DPYD: variants seen among roughly 807,000 people sequenced by gnomAD.
DPYD encodes dihydropyrimidine dehydrogenase, also known as dihydropyrimidine dehydrogenase [NADP(+)].
In DPYD, 109 loss-of-function variants were observed where a neutral mutation model predicts 116.2. The ratio of observed to expected loss-of-function variants is 0.94; its 90% CI spans 0.80 to 1.10. The LOEUF is 1.10. Among genes scored for constraint, DPYD ranks in the 50% least tolerant of loss-of-function variants. The pLI is 0.00. For synonymous variants in DPYD, 440 were observed against 432.0 expected, an observed-to-expected ratio of 1.02 and a Z score of -0.23; for missense variants, 1,302 against 1,254.5, an observed-to-expected ratio of 1.04 and a Z score of -0.57.
chr1:97,681,835 G>A (rs915478774), intron 7 of DPYD, among the ~76,000 whole-genome samples: 1 of 152,114 alleles, frequency 6.6e-6, no homozygotes, highest in African/African-American at 2.4e-5. Context: ...TAGAATATTA[G>A]CAAACTGAGT....
intron 14 of DPYD, among the ~76,000 whole-genome samples, chr1:97,417,271 T>C (rs1674335677): frequency 6.6e-6 from 1 of 152,160 alleles, no homozygotes; most frequent in Admixed American, 6.5e-5. Context: ...AGTTGGTTTT[T>C]AAAGCATTTC....
At chr1:97,191,333 T>A (rs1233464375) in intron 20 of DPYD, among the ~76,000 whole-genome samples, 5 of 152,180 alleles carry the variant, frequency 3.3e-5, no homozygotes, top group Admixed American at 2.6e-4. Flanking sequence ...GTTTTAGTCA[T>A]GTCAGCCTGC....
rs1206222753 is a variant in DPYD at position 97,304,322 on chromosome 1, T to C, written c.2299+937A>G. On this transcript the variant is annotated intron_variant, in intron 18 of 22. Transcript: ENST00000370192. ...GATAGCTCCTGATAAAAGCGAGCTG[T>C]GTCTGGAGCCTGAGCAGGTGCTCCT... 4.6e-5 allele frequency among the ~76,000 whole-genome samples: 7 copies of C among 152,156 alleles called. No individual in the cohort carries two copies. In the East Asian group the frequency reaches 1.2e-3, roughly 25 times the overall value.
chr1:97,430,216 G>T (rs372096656), intron 14 of DPYD, among the ~76,000 whole-genome samples: 10 of 152,148 alleles, frequency 6.6e-5, no homozygotes, highest in African/African-American at 2.4e-4. Context: ...TCAGAAAATC[G>T]CAGGAGATGT....
chr1:97,311,450 T>C (rs912173222), intron 16 of DPYD, among the ~76,000 whole-genome samples: 1 of 151,802 alleles, frequency 6.6e-6, no homozygotes, highest in Non-Finnish European at 1.5e-5. Context: ...ATTTTTTCCA[T>C]ATAAGGACAA....
intron 5 of DPYD, among the ~76,000 whole-genome samples, chr1:97,716,610 T>G (rs1662629574): frequency 6.6e-6 from 1 of 152,082 alleles, no homozygotes; most frequent in Non-Finnish European, 1.5e-5. Flanking sequence ...GTGTGTTATA[T>G]CCCTAGATCC....
intron 8 of DPYD, among the ~76,000 whole-genome samples, chr1:97,659,349 G>T (rs1388650188): frequency 6.6e-6 from 1 of 152,060 alleles, no homozygotes; most frequent in Non-Finnish European, 1.5e-5. Context: ...TTGGCAGTCT[G>T]GAAATTCAAG....
rs1371566001 is a variant in DPYD, at chr1:97,720,870, T to G, written c.483+640A>C. ...GGAGACGTCAGAGAGCCCAAGAGTG[T>G]CTGAAGAATCAAAGTCTTTACAAAT... On this transcript the variant is annotated intron_variant, in intron 5 of 22. Coordinates refer to ENST00000370192, the MANE Select transcript of DPYD (RefSeq NM_000110.4). 3 of 1,608,868 alleles carry G rather than the reference T, an allele frequency of 1.9e-6. No homozygotes were observed. The African/African-American group carries it at 4.0e-5, about 22-fold the overall frequency.
At position 97,148,813 on chromosome 1, in the gene DPYD, A is replaced by G. The variant is rs74990356; in HGVS notation, c.2622+44256T>C. On this transcript the variant is annotated intron_variant, in intron 20 of 22. Coordinates refer to ENST00000370192, the MANE Select transcript of DPYD (RefSeq NM_000110.4). Reference sequence around the variant, plus strand: ...CTAATGATTCTTCTAAAGAAACGAAAAATCTTACAGTTCATTGTTTGTATC... The same window carrying G: ...CTAATGATTCTTCTAAAGAAACGAAGAATCTTACAGTTCATTGTTTGTATC... Among the ~76,000 whole-genome samples the G allele has an allele frequency of 9.3e-3, 1,411 of 152,312 alleles. 21 individuals carry two copies. Among genetic ancestry groups the G allele is most frequent in the African/African-American group, 0.032 (1,344 of 41,584 alleles).
At chr1:97,323,973 TG>T (rs1271024484) in intron 16 of DPYD, among the ~76,000 whole-genome samples, 11 of 151,908 alleles carry the variant, frequency 7.2e-5, no homozygotes, top group Non-Finnish European at 1.6e-4. Context: ...CCTAGGCAAC[TG>T]AAGATCCAGC....
chr1:97,211,783 C>A (rs895905069), intron 19 of DPYD, among the ~76,000 whole-genome samples: 1 of 152,050 alleles, frequency 6.6e-6, no homozygotes, highest in Non-Finnish European at 1.5e-5. Context: ...CTTATTTAAA[C>A]GTGCTTATTT....
intron 14 of DPYD, among the ~76,000 whole-genome samples, chr1:97,419,462 C>T (rs1472913292): frequency 6.6e-6 from 1 of 152,126 alleles, no homozygotes; most frequent in Non-Finnish European, 1.5e-5. Context: ...TTGTTATTCA[C>T]AACAACGCTG....
At chr1:97,749,377 C>A (rs1294717961) in intron 3 of DPYD, among the ~76,000 whole-genome samples, 1 of 152,136 alleles carries the variant, frequency 6.6e-6, no homozygotes, top group East Asian at 1.9e-4. Flanking sequence ...TTCAGTCCAA[C>A]CATTTTTACA....
chr1:97,815,756 T>C (rs972096576), intron 3 of DPYD, among the ~76,000 whole-genome samples: 5 of 152,130 alleles, frequency 3.3e-5, no homozygotes, highest in Admixed American at 2.0e-4. Context: ...TTGTTTGTCT[T>C]TAAGATGCAC....
intron 14 of DPYD, among the ~76,000 whole-genome samples, chr1:97,430,865 T>C (rs541033647): frequency 6.6e-6 from 1 of 152,098 alleles, no homozygotes; most frequent in Admixed American, 6.6e-5. Flanking sequence ...CTATATCAAT[T>C]TGTAAACATT....
intron 20 of DPYD, among the ~76,000 whole-genome samples, chr1:97,146,186 A>G (rs1285593606): frequency 6.6e-6 from 1 of 152,188 alleles, no homozygotes; most frequent in Non-Finnish European, 1.5e-5. Context: ...TGAGATGCTA[A>G]TCTATCCCAG....
chr1:97,825,024 A>C (rs1313603605), intron 3 of DPYD, among the ~76,000 whole-genome samples: 2 of 152,188 alleles, frequency 1.3e-5, no homozygotes, highest in African/African-American at 4.8e-5. Flanking sequence ...CTGAAAACCC[A>C]AATCTTCACT....
intron 19 of DPYD, among the ~76,000 whole-genome samples, chr1:97,230,407 C>T (rs1202229017): frequency 6.6e-6 from 1 of 152,132 alleles, no homozygotes; most frequent in Non-Finnish European, 1.5e-5. Flanking sequence ...ACTGCATGTT[C>T]TCACTTAGAA....
At chr1:97,335,299 TACACACACACACAC>T (rs35371362) in intron 16 of DPYD, among the ~76,000 whole-genome samples, 11,310 of 136,288 alleles carry the variant, frequency 0.083, 608 homozygotes, top group South Asian at 0.22. Context: ...TGGAGTTAAG[TACACACACACACAC>T]ACACACACAC....
Sources: gnomAD v4.1 joint callset for allele counts (sites outside exome capture counted in the v4.1 genomes callset) on GRCh38, gnomAD v4.1.1 for gene constraint, MANE v1.5 for transcripts, NCBI Gene and HGNC (gene_info 2026-07-23, HGNC 2026-07-21) for gene names.